The following CACNB2 variants were observed in gnomAD, a reference collection of about 807,000 sequenced individuals.
CACNB2 encodes voltage-dependent L-type calcium channel subunit beta-2.
Under a neutral mutation model 73.3 loss-of-function variants are expected in CACNB2, and 42 were observed. The ratio of observed to expected loss-of-function variants is 0.57; its 90% CI spans 0.45 to 0.74. CACNB2 has a LOEUF of 0.74. CACNB2 is among the 30% of genes least tolerant of loss of function. CACNB2 has a pLI of 0.00. For synonymous variants in CACNB2, 348 were observed against 310.3 expected (o/e 1.12, Z -1.28); for missense variants, 940 against 853.0 (o/e 1.10, Z -1.27).
At chr10:18,519,816 T>G in intron 9 of CACNB2, 1 of 447,666 alleles carries the variant, frequency 2.2e-6, no homozygotes, top group Non-Finnish European at 4.5e-6. Context: ...AAACTAGTCA[T>G]GTCAAGATCA....
chr10:18,276,843 C>T (rs55790026), intron 2 of CACNB2, among the ~76,000 whole-genome samples: 3 of 151,860 alleles, frequency 2.0e-5, no homozygotes, highest in Admixed American at 6.6e-5. Flanking sequence ...CCTCCCAAAG[C>T]GCTAGGATTA....
chr10:18,261,373 T>G, intron 2 of CACNB2: 2 of 1,551,350 alleles, frequency 1.3e-6, no homozygotes, highest in Admixed American at 2.0e-5. Flanking sequence ...TATTCGTGTC[T>G]GTCTGGTGCA....
intron 2 of CACNB2, among the ~76,000 whole-genome samples, chr10:18,310,255 A>C (rs1323734485): frequency 6.6e-6 from 1 of 152,122 alleles, no homozygotes; most frequent in Non-Finnish European, 1.5e-5. Flanking sequence ...GTCTACTTTG[A>C]TGGTAATAAT....
intron 2 of CACNB2, among the ~76,000 whole-genome samples, chr10:18,363,766 A>G (rs142685970): frequency 6.6e-6 from 1 of 152,038 alleles, no homozygotes; most frequent in African/African-American, 2.4e-5. Flanking sequence ...ACCTCTCTGG[A>G]AATCAGTTCT....
At chr10:18,383,699 C>G (rs752832293) in intron 2 of CACNB2, among the ~76,000 whole-genome samples, 5 of 146,636 alleles carry the variant, frequency 3.4e-5, no homozygotes, top group African/African-American at 1.3e-4. Context: ...TACAGAGTAG[C>G]GAATAGAGTG....
intron 2 of CACNB2, among the ~76,000 whole-genome samples, chr10:18,214,919 C>T (rs1171986163): frequency 6.6e-6 from 1 of 152,002 alleles, no homozygotes; most frequent in East Asian, 1.9e-4. Context: ...GATTTTTTGC[C>T]CAGTTTGTCA....
rs559473243 is a variant in CACNB2, at chr10:18,182,658, C to A, written c.213+31683C>A. ...GCAACGTGGTAAAACCCCGTCTCTA[C>A]TAAAATACAAAAGATTAGCCAGGCG... is the stretch of plus-strand genomic sequence containing the variant. On this transcript the variant is annotated intron_variant, in intron 2 of 13. Coordinates refer to ENST00000324631, the MANE Select transcript of CACNB2 (RefSeq NM_201596.3). Among the ~76,000 whole-genome samples the A allele has an allele frequency of 1.1e-3, 164 of 151,866 alleles. 1 individual carries two copies. The highest frequency in any genetic ancestry group is 1.3e-3 in the Non-Finnish European group (88 of 67,914).
At chr10:18,335,619 T>C (rs2040970925) in intron 2 of CACNB2, among the ~76,000 whole-genome samples, 1 of 152,170 alleles carries the variant, frequency 6.6e-6, no homozygotes, top group South Asian at 2.1e-4. Context: ...CATCACTTCC[T>C]GTCTTACATG....
intron 2 of CACNB2, among the ~76,000 whole-genome samples, chr10:18,189,236 T>G (rs1040451719): frequency 6.6e-6 from 1 of 152,182 alleles, no homozygotes; most frequent in Non-Finnish European, 1.5e-5. Flanking sequence ...CTTTCAGGGC[T>G]CTTAAACGAG....
chr10:18,204,731 A>G (rs2035020070), intron 2 of CACNB2, among the ~76,000 whole-genome samples: 2 of 152,218 alleles, frequency 1.3e-5, no homozygotes, highest in South Asian at 4.1e-4. Context: ...GTTTACCGTT[A>G]TACATTCAGA....
At chr10:18,525,504 A>C (rs992160452) in intron 9 of CACNB2, among the ~76,000 whole-genome samples, 18 of 152,240 alleles carry the variant, frequency 1.2e-4, no homozygotes, top group African/African-American at 4.3e-4. Context: ...GAGAAGTACA[A>C]AGCATTCTAG....
intron 2 of CACNB2, among the ~76,000 whole-genome samples, chr10:18,190,505 T>A (rs1482439326): frequency 1.3e-5 from 2 of 152,172 alleles, no homozygotes; most frequent in African/African-American, 2.4e-5. Flanking sequence ...AATTGAATGC[T>A]CATAGCATGC....
intron 2 of CACNB2, among the ~76,000 whole-genome samples, chr10:18,248,377 A>G (rs2036949726): frequency 6.6e-6 from 1 of 152,242 alleles, no homozygotes; most frequent in Non-Finnish European, 1.5e-5. Context: ...TGGTCTAATA[A>G]TTAAAAAGTA....
intron 9 of CACNB2, among the ~76,000 whole-genome samples, chr10:18,527,237 G>T (rs1432625064): frequency 6.6e-6 from 1 of 152,046 alleles, no homozygotes; most frequent in Non-Finnish European, 1.5e-5. Flanking sequence ...TTAGCCGGGT[G>T]TGGTGGCACA....
intron 5 of CACNB2, among the ~76,000 whole-genome samples, chr10:18,504,900 C>CT (rs1398953570): frequency 6.6e-6 from 1 of 152,204 alleles, no homozygotes; most frequent in African/African-American, 2.4e-5. Flanking sequence ...CCACCTTGGC[C>CT]TACCAGAGTG....
At chr10:18,281,592 G>A (rs573876597) in intron 2 of CACNB2, among the ~76,000 whole-genome samples, 6 of 152,256 alleles carry the variant, frequency 3.9e-5, no homozygotes, top group Middle Eastern at 3.4e-3. Flanking sequence ...GGTACTGTTT[G>A]CTGTTGTGTG....
At chr10:18,221,816 T>A (rs780578917) in intron 2 of CACNB2, among the ~76,000 whole-genome samples, 2 of 152,260 alleles carry the variant, frequency 1.3e-5, no homozygotes, top group South Asian at 4.1e-4. Context: ...GTTTTCTTTT[T>A]ATCCATGGAA....
intron 2 of CACNB2, among the ~76,000 whole-genome samples, chr10:18,289,291 TG>T (rs1214187801): frequency 0.038 from 2,269 of 60,438 alleles, 271 homozygotes; most frequent in African/African-American, 0.11. Flanking sequence ...CTTGTTTTTT[TG>T]TTTTGTTTTT....
intron 2 of CACNB2, among the ~76,000 whole-genome samples, chr10:18,334,032 A>G (rs1024580538): frequency 7.2e-5 from 11 of 152,224 alleles, no homozygotes; most frequent in Non-Finnish European, 1.0e-4. Flanking sequence ...CTTTCTGTTT[A>G]TGTCGACAGA....
Sources: allele counts gnomAD v4.1 joint callset (sites outside exome capture counted in the v4.1 genomes callset), GRCh38; gene constraint gnomAD v4.1.1; transcripts MANE v1.5; gene names NCBI Gene and HGNC (gene_info 2026-07-23, HGNC 2026-07-21).